NXN: variants seen among roughly 807,000 people sequenced by gnomAD.
The protein encoded by NXN is nucleoredoxin 1.
A neutral mutation model predicts 48.6 loss-of-function variants in NXN; 16 were observed. The observed-to-expected ratio is 0.33, with a 90% CI of 0.22 to 0.50. NXN has a LOEUF of 0.50. Among genes scored for constraint, NXN ranks in the 20% least tolerant of loss-of-function variants. The probability of loss-of-function intolerance (pLI) is 0.98; values close to 1 mark genes in which losing one functional copy is unlikely to be tolerated. For synonymous variants in NXN, 281 were observed against 269.6 expected (o/e 1.04, Z -0.41); for missense variants, 492 against 605.5 (o/e 0.81, Z 1.97).
chr17:853,884 G>T (rs974346982), intron 1 of NXN, among the ~76,000 whole-genome samples: 1 of 151,568 alleles, frequency 6.6e-6, no homozygotes, highest in African/African-American at 2.4e-5. Context: ...CCACCACACG[G>T]CTAAGTTTTG....
At chr17:889,283 T>C (rs72812027) in intron 1 of NXN, among the ~76,000 whole-genome samples, 18,380 of 152,256 alleles carry the variant, frequency 0.12, 1,357 homozygotes, top group Middle Eastern at 0.17. Context: ...GCACGTGCCC[T>C]GTGCTTCAGT....
intron 1 of NXN, among the ~76,000 whole-genome samples, chr17:835,114 C>T (rs910106294): frequency 6.6e-6 from 1 of 151,312 alleles, no homozygotes; most frequent in African/African-American, 2.4e-5. Flanking sequence ...CGAGACCATC[C>T]TGGCTAACAT....
chr17:850,735 G>A (rs949953659), intron 1 of NXN, among the ~76,000 whole-genome samples: 5 of 152,172 alleles, frequency 3.3e-5, no homozygotes, highest in African/African-American at 1.2e-4. Context: ...GCACACTCCC[G>A]AGGTAGAATC....
intron 5 of NXN, among the ~76,000 whole-genome samples, chr17:812,822 G>A (rs1483639833): frequency 6.6e-6 from 1 of 150,710 alleles, no homozygotes; most frequent in African/African-American, 2.4e-5. Flanking sequence ...GTGTGTGTGC[G>A]AGTGTGCATG....
At chr17:808,351 G>A (rs1012711822) in intron 5 of NXN, among the ~76,000 whole-genome samples, 7 of 150,558 alleles carry the variant, frequency 4.6e-5, no homozygotes, top group African/African-American at 1.5e-4. Flanking sequence ...TGCCCAGGCT[G>A]GAGTGCAGTG....
At position 812,956 on chromosome 17, in the gene NXN, GTGTGCATGTT is replaced by G. The variant is rs528574770; in HGVS notation, c.820+6473_820+6482del. On this transcript the variant is annotated intron_variant, in intron 5 of 7. Transcript: ENST00000336868. The stretch of plus-strand genomic sequence containing the variant: ...TGAGTGTGCATATGTGTGAGTGTAG[GTGTGCATGTT>G]TGTAGGTGTGTGTGCACATGTGAAT... Among the ~76,000 whole-genome samples the G allele has an allele frequency of 8.9e-3, 1,344 of 150,500 alleles. 17 individuals carry two copies. Among genetic ancestry groups the G allele is most frequent in the African/African-American group, 0.03 (1,246 of 41,164 alleles).
At chr17:935,958 G>A (rs1369838200) in intron 1 of NXN, among the ~76,000 whole-genome samples, 1 of 152,058 alleles carries the variant, frequency 6.6e-6, no homozygotes, top group Middle Eastern at 3.2e-3. Flanking sequence ...TGGATGTGGT[G>A]GTGCATGCTT....
chr17:805,381 T>C (rs1204046040), intron 5 of NXN, 134 bp from the exon 6 acceptor site: 5 of 935,964 alleles, frequency 5.3e-6, no homozygotes, highest in Non-Finnish European at 6.2e-6. Context: ...AGGCTCACAA[T>C]GAAGAGGCCA....
rs370947015 is a variant in NXN, at chr17:812,946, G to A, written c.820+6493C>T. ...TGTGCGTGTGTGAGTGTGCATATGT[G>A]TGAGTGTAGGTGTGCATGTTTGTAG... On this transcript the variant is annotated intron_variant, in intron 5 of 7. Coordinates refer to ENST00000336868, the MANE Select transcript of NXN (RefSeq NM_022463.5). Among the ~76,000 whole-genome samples, 36 of 151,358 alleles carry A rather than the reference G, an allele frequency of 2.4e-4. 2 individuals are homozygous for A. Among genetic ancestry groups the A allele is most frequent in the African/African-American group, 8.7e-4 (36 of 41,220 alleles).
At position 979,658 on chromosome 17, in the gene NXN, C is replaced by T. The variant is rs1442929118; in HGVS notation, c.21G>A (p.Glu7=). The change falls in exon 1 of 8, where the codon GAG becomes GAA. Residue 7 remains glutamate, a synonymous_variant. Transcript: ENST00000336868. MSGFLE[E]LLGEKLVTGG... is the part of the protein sequence containing the mutation. ...CCGTCACCAGCTTCTCGCCGAGCAG[C>T]TCCTCCAGGAAGCCCGACATCCTGG... 2 of 1,473,112 alleles carry T rather than the reference C, an allele frequency of 1.4e-6. No individual in the cohort carries two copies. The highest frequency in any genetic ancestry group is 1.5e-5 in the African/African-American group (1 of 68,508). 91.3% of individuals were successfully genotyped at this position (1,473,112 alleles called of 1,614,324 possible).
At chr17:885,707 G>A in intron 1 of NXN, among the ~76,000 whole-genome samples, 1 of 95,076 alleles carries the variant, frequency 1.1e-5, no homozygotes, top group Non-Finnish European at 2.1e-5. Context: ...TTTTGAGACA[G>A]AGTCGCTCTG....
intron 1 of NXN, among the ~76,000 whole-genome samples, chr17:972,195 G>T (rs956002607): frequency 6.6e-6 from 1 of 152,114 alleles, no homozygotes; most frequent in African/African-American, 2.4e-5. Flanking sequence ...CCAGCTACTC[G>T]GGAGGCTGAA....
intron 1 of NXN, among the ~76,000 whole-genome samples, chr17:974,261 G>A (rs527886553): frequency 6.6e-6 from 1 of 151,872 alleles, no homozygotes; most frequent in African/African-American, 2.4e-5. Context: ...TGAGGCAGGA[G>A]CATGGCGTGA....
chr17:894,994 CTTTTTTTTTTTTTTTTTTTTTTTTTTT>C lies in NXN; in HGVS notation c.361-68943_361-68917del, dbSNP rs778350779. Among the ~76,000 whole-genome samples, 8 of 60,822 alleles carry C rather than the reference CTTTTTTTTTTTTTTTTTTTTTTTTTTT, an allele frequency of 1.3e-4. 1 individual carries two copies. Among genetic ancestry groups the C allele is most frequent in the African/African-American group, 2.7e-4 (4 of 14,710 alleles). 39.9% of individuals were successfully genotyped at this position (60,822 alleles called of 152,430 possible). A position where few individuals can be genotyped will look rare whatever the true frequency, so the allele number is the denominator to read the frequency against. On this transcript the variant is annotated intron_variant, in intron 1 of 7. Transcript: ENST00000336868. ...TCTCATCCTTTCCTTTCACCCTTTC[CTTTTTTTTTTTTTTTTTTTTTTTTTTT>C]TTTTTTTTTTTTTGAGACTAAATCT...
intron 1 of NXN, chr17:959,400 G>A: frequency 4.8e-6 from 1 of 209,516 alleles, no homozygotes; most frequent in East Asian, 1.0e-4. Flanking sequence ...GGGAGAACGG[G>A]CAGGGCGCCA....
chr17:915,878 G>GTGTCAGAGCCGA (rs1172944458), intron 1 of NXN, among the ~76,000 whole-genome samples: 1 of 105,926 alleles, frequency 9.4e-6, no homozygotes, highest in African/African-American at 4.6e-5. Flanking sequence ...GTCAGAGCTG[G>GTGTCAGAGCCGA]AACTTCCAGC....
chr17:931,286 A>C lies in NXN; in HGVS notation c.360+48033T>G, dbSNP rs2068850765. On this transcript the variant is annotated intron_variant, in intron 1 of 7. Coordinates refer to ENST00000336868, the MANE Select transcript of NXN (RefSeq NM_022463.5). ...TGGGCGACAGAGCGAGACTCCATCC[A>C]AAAAAAAAAAAAAAAAATTAGCTGG... is the stretch of plus-strand genomic sequence containing the variant. 5.5e-5 allele frequency among the ~76,000 whole-genome samples: 6 copies of C among 108,994 alleles called. No homozygotes were observed. In the South Asian group the frequency reaches 1.7e-3, roughly 31 times the overall value. 71.5% of individuals were successfully genotyped at this position (108,994 alleles called of 152,430 possible).
intron 1 of NXN, among the ~76,000 whole-genome samples, chr17:871,675 G>A (rs1008193477): frequency 6.6e-6 from 1 of 151,820 alleles, no homozygotes; most frequent in African/African-American, 2.4e-5. Flanking sequence ...AAAGTGCTGG[G>A]TACAGGCATG....
chr17:904,161 G>A (rs527518257), intron 1 of NXN, among the ~76,000 whole-genome samples: 70 of 152,298 alleles, frequency 4.6e-4, no homozygotes, highest in Non-Finnish European at 5.9e-4. Flanking sequence ...GCCTCACCGC[G>A]TCGACTGCCC....
Sources: allele counts gnomAD v4.1 joint callset (sites outside exome capture counted in the v4.1 genomes callset), GRCh38; gene constraint gnomAD v4.1.1; transcripts MANE v1.5; gene names NCBI Gene and HGNC (gene_info 2026-07-23, HGNC 2026-07-21).